TLL1: variants seen among roughly 807,000 people sequenced by gnomAD.
TLL1 encodes the protein tolloid like 1, also known as tolloid-like protein 1.
In TLL1, 49 loss-of-function variants were observed where a neutral mutation model predicts 128.2. The ratio of observed to expected loss-of-function variants is 0.38; its 90% CI spans 0.30 to 0.48. The LOEUF (loss-of-function observed/expected upper bound fraction) is 0.48, where lower values mean the gene tolerates loss of function less well. Among genes scored for constraint, TLL1 ranks in the 20% least tolerant of loss-of-function variants. The pLI, the probability that TLL1 is intolerant of heterozygous loss-of-function variation, is 0.96. For synonymous variants in TLL1, 454 were observed against 418.8 expected (o/e 1.08, Z -1.03); for missense variants, 1,123 against 1,242.0 (o/e 0.90, Z 1.44).
chr4:165,903,613 A>G (rs1466622474), intron 1 of TLL1, among the ~76,000 whole-genome samples: 10 of 151,530 alleles, frequency 6.6e-5, no homozygotes. Context: ...GGGTTTCACC[A>G]TATTGATCAG....
At chr4:166,080,630 T>C (rs1482888480) in intron 18 of TLL1, among the ~76,000 whole-genome samples, 1 of 152,146 alleles carries the variant, frequency 6.6e-6, no homozygotes, top group Non-Finnish European at 1.5e-5. Context: ...TATGCAATAA[T>C]AGAGACTTTA....
chr4:165,903,061 G>A (rs892352098), intron 1 of TLL1, among the ~76,000 whole-genome samples: 5 of 152,116 alleles, frequency 3.3e-5, no homozygotes, highest in African/African-American at 4.8e-5. Flanking sequence ...ACAATAGGCC[G>A]GGTGCGGTGG....
At chr4:166,030,653 G>A in intron 9 of TLL1, 2 of 884,512 alleles carry the variant, frequency 2.3e-6, no homozygotes, top group Non-Finnish European at 3.0e-6. Context: ...TTATATGTAG[G>A]TTTTTAATCA....
At position 166,052,965 on chromosome 4, in the gene TLL1, G is replaced by GTGTGTATATATATATATATATATATA; in HGVS notation, c.1525-2110_1525-2109insGTGTATATATATATATATATATATAT. 4.2e-4 allele frequency among the ~76,000 whole-genome samples: 42 copies of GTGTGTATATATATATATATATATATA among 99,700 alleles called. 1 individual carries two copies. Among genetic ancestry groups the GTGTGTATATATATATATATATATATA allele is most frequent in the African/African-American group, 9.9e-4 (26 of 26,278 alleles). The allele number at this position is 99,700 out of a possible 152,430, so 65.4% of individuals were successfully genotyped here. A position where few individuals can be genotyped will look rare whatever the true frequency, so the allele number is the denominator to read the frequency against. ...TAAAGACTGAGATAAGAGGTTATGT[G>GTGTGTATATATATATATATATATATA]TATATATATATATATATTTGGCCAA... On this transcript the variant is annotated intron_variant, in intron 12 of 20. Transcript: ENST00000061240.
chr4:165,986,544 A>C (rs1313982739), intron 1 of TLL1, among the ~76,000 whole-genome samples: 1 of 152,024 alleles, frequency 6.6e-6, no homozygotes, highest in Non-Finnish European at 1.5e-5. Context: ...TCAAAGAAAT[A>C]TTTGGTTTTC....
intron 1 of TLL1, among the ~76,000 whole-genome samples, chr4:165,880,347 T>C (rs932602470): frequency 2.6e-5 from 4 of 152,222 alleles, no homozygotes; most frequent in African/African-American, 7.2e-5. Context: ...TAGGTGTTAA[T>C]TGAAATCCAG....
At chr4:165,976,034 C>CAAAAAAAAAAAAAAAAAAAAAAAAAA (rs1169297533) in intron 1 of TLL1, among the ~76,000 whole-genome samples, 1 of 72,098 alleles carries the variant, frequency 1.4e-5, no homozygotes, top group African/African-American at 4.8e-5. Flanking sequence ...GATTCCATCT[C>CAAAAAAAAAAAAAAAAAAAAAAAAAA]AAAAAAAAAA....
chr4:166,083,209 G>C lies in TLL1; in HGVS notation c.2442+5179G>C, dbSNP rs1741369735. On this transcript the variant is annotated intron_variant, in intron 18 of 20. Transcript: ENST00000061240. ...TGGATTGATACCCCTTTTTCTTTAGGCAGGGTGGGAAAATAAGAAAGAAAG... is the reference window on the plus strand; with the variant it reads ...TGGATTGATACCCCTTTTTCTTTAGCCAGGGTGGGAAAATAAGAAAGAAAG... Among the ~76,000 whole-genome samples, 2 of 65,122 alleles carry C rather than the reference G, an allele frequency of 3.1e-5. 1 individual carries two copies. 42.7% of individuals were successfully genotyped at this position (65,122 alleles called of 152,430 possible).
chr4:165,894,062 A>G (rs1435233660), intron 1 of TLL1, among the ~76,000 whole-genome samples: 1 of 152,148 alleles, frequency 6.6e-6, no homozygotes, highest in Non-Finnish European at 1.5e-5. Flanking sequence ...AGAATATCTT[A>G]TATTATAACA....
intron 9 of TLL1, among the ~76,000 whole-genome samples, chr4:166,026,665 C>T (rs1475071336): frequency 6.7e-6 from 1 of 150,308 alleles, no homozygotes; most frequent in Admixed American, 6.6e-5. Flanking sequence ...GCAGCCTGGA[C>T]GATAAGAGCG....
chr4:165,910,924 A>T (rs1311132623), intron 1 of TLL1, among the ~76,000 whole-genome samples: 3 of 152,184 alleles, frequency 2.0e-5, no homozygotes, highest in Admixed American at 2.0e-4. Context: ...TAATATTGGT[A>T]CATATTTGTG....
At chr4:165,917,708 C>T (rs1732850123) in intron 1 of TLL1, among the ~76,000 whole-genome samples, 1 of 152,102 alleles carries the variant, frequency 6.6e-6, no homozygotes, top group South Asian at 2.1e-4. Context: ...CATGAGTCAT[C>T]TACAAAGCAC....
chr4:166,009,931 A>G (rs945499857), intron 7 of TLL1, among the ~76,000 whole-genome samples: 3 of 151,438 alleles, frequency 2.0e-5, no homozygotes, highest in Admixed American at 2.0e-4. Context: ...TCCATAACTT[A>G]TTCATCTTGC....
At chr4:166,057,387 C>CTCT in intron 14 of TLL1, 78 bp downstream of exon 14, 1 of 1,572,522 alleles carries the variant, frequency 6.4e-7, no homozygotes, top group African/African-American at 1.4e-5. Flanking sequence ...GTCTGTCTTC[C>CTCT]TCTTTCTTTC....
At chr4:166,016,131 A>G (rs1737932403) in intron 8 of TLL1, among the ~76,000 whole-genome samples, 1 of 152,088 alleles carries the variant, frequency 6.6e-6, no homozygotes. Flanking sequence ...ATTTACGTAA[A>G]TCCCTTTAAA....
At chr4:166,080,776 C>T (rs761628912) in intron 18 of TLL1, among the ~76,000 whole-genome samples, 1 of 152,138 alleles carries the variant, frequency 6.6e-6, no homozygotes, top group Non-Finnish European at 1.5e-5. Context: ...CATTGCACCA[C>T]TGGCTTCAAA....
At position 165,942,257 on chromosome 4, in the gene TLL1, G is replaced by T. The variant is rs1173106497; in HGVS notation, c.170-47124G>T. Reference sequence around the variant, plus strand: ...GCTTTGTCATGCACTTGCCTCCAAGGTGCTTCCCACCACCCTCCTTTTTTT... The same window carrying T: ...GCTTTGTCATGCACTTGCCTCCAAGTTGCTTCCCACCACCCTCCTTTTTTT... On this transcript the variant is annotated intron_variant, in intron 1 of 20. Coordinates refer to ENST00000061240, the MANE Select transcript of TLL1 (RefSeq NM_012464.5). Among the ~76,000 whole-genome samples, 5 of 150,708 alleles carry T rather than the reference G, an allele frequency of 3.3e-5. No individual in the cohort carries two copies. In the South Asian group the frequency reaches 1.0e-3, roughly 31 times the overall value.
chr4:165,957,078 A>G (rs977115338), intron 1 of TLL1, among the ~76,000 whole-genome samples: 1 of 152,152 alleles, frequency 6.6e-6, no homozygotes, highest in Non-Finnish European at 1.5e-5. Flanking sequence ...ACAAAAAAAT[A>G]AGACCCAACC....
intron 9 of TLL1, among the ~76,000 whole-genome samples, chr4:166,035,910 T>A (rs2111084742): frequency 6.6e-6 from 1 of 152,296 alleles, no homozygotes; most frequent in Middle Eastern, 3.4e-3. Flanking sequence ...CCTGATTTAC[T>A]CTCTCTCAGC....
Sources: allele counts gnomAD v4.1 joint callset (sites outside exome capture counted in the v4.1 genomes callset), GRCh38; gene constraint gnomAD v4.1.1; transcripts MANE v1.5; gene names NCBI Gene and HGNC (gene_info 2026-07-23, HGNC 2026-07-21).